LRRC37A2: variants seen among roughly 807,000 people sequenced by gnomAD.
The protein encoded by LRRC37A2 is leucine rich repeat containing 37 member A2.
A neutral mutation model predicts 68.8 loss-of-function variants in LRRC37A2; 9 were observed. The observed-to-expected ratio is 0.13, with a 90% CI of 0.08 to 0.23. The LOEUF (loss-of-function observed/expected upper bound fraction) is 0.23. Ranked by LOEUF, LRRC37A2 falls within the 10% of genes least tolerant of loss-of-function variation. LRRC37A2 has a pLI of 1.00. For missense variants in LRRC37A2, 168 were observed against 950.4 expected (o/e 0.18, Z 10.82); for synonymous variants, 63 against 367.6 (o/e 0.17, Z 9.48).
the LRRC37A2 span, among the ~76,000 whole-genome samples, chr17:46,862,174 AAAAAAG>A: frequency 2.6e-5 from 4 of 151,052 alleles, no homozygotes; most frequent in South Asian, 2.1e-4. Context: ...AAAAAAAAAA[AAAAAAG>A]AAAAAGAAAA....
chr17:46,495,894 G>C, the LRRC37A2 span, among the ~76,000 whole-genome samples: 1 of 122,378 alleles, frequency 8.2e-6, no homozygotes, highest in Non-Finnish European at 1.7e-5. Flanking sequence ...TATGGTTAGG[G>C]AACATACTCG....
chr17:46,817,325 C>T, the LRRC37A2 span, among the ~76,000 whole-genome samples: 1 of 152,234 alleles, frequency 6.6e-6, no homozygotes, highest in Non-Finnish European at 1.5e-5. Flanking sequence ...CCCCGGGGGC[C>T]ACAGCCCACT....
At chr17:46,817,975 C>T in the LRRC37A2 span, among the ~76,000 whole-genome samples, 1 of 152,012 alleles carries the variant, frequency 6.6e-6, no homozygotes, top group Non-Finnish European at 1.5e-5. Context: ...TGATGAAATC[C>T]CCCCACCCAC....
the LRRC37A2 span, among the ~76,000 whole-genome samples, chr17:46,777,553 A>G: frequency 1.2e-4 from 18 of 152,380 alleles, no homozygotes; most frequent in Non-Finnish European, 2.1e-4. Flanking sequence ...TGCTGTGCAG[A>G]CGCAGTCTCT....
the LRRC37A2 span, among the ~76,000 whole-genome samples, chr17:46,806,275 G>C: frequency 2.1e-5 from 3 of 143,432 alleles, no homozygotes; most frequent in Non-Finnish European, 4.5e-5. Context: ...GCAATGGCCA[G>C]GTCTCAGCTC....
the LRRC37A2 span, among the ~76,000 whole-genome samples, chr17:46,969,714 AAG>A: frequency 6.6e-6 from 1 of 152,174 alleles, no homozygotes; most frequent in Non-Finnish European, 1.5e-5. Flanking sequence ...AAAACAATGA[AAG>A]AGGCTTGGCA....
chr17:47,012,314 G>A, the LRRC37A2 span, among the ~76,000 whole-genome samples: 2,637 of 151,836 alleles, frequency 0.017, 39 homozygotes, highest in Non-Finnish European at 0.028. Context: ...GATTACCTTG[G>A]AAACCATTAT....
the LRRC37A2 span, among the ~76,000 whole-genome samples, chr17:46,818,187 C>A: frequency 6.6e-6 from 1 of 151,998 alleles, no homozygotes; most frequent in African/African-American, 2.4e-5. Flanking sequence ...TTCCAGAAAC[C>A]CAACTGCAAG....
chr17:46,714,581 GAA>G, the LRRC37A2 span, among the ~76,000 whole-genome samples: 1 of 152,144 alleles, frequency 6.6e-6, no homozygotes, highest in African/African-American at 2.4e-5. Flanking sequence ...TCCTAGAGCT[GAA>G]AAGACTGTAA....
At chr17:46,817,437 G>C in the LRRC37A2 span, among the ~76,000 whole-genome samples, 1 of 152,102 alleles carries the variant, frequency 6.6e-6, no homozygotes, top group East Asian at 1.9e-4. Context: ...AAGTTTTCCG[G>C]AATGTAGGGG....
chr17:46,960,757 G>A, the LRRC37A2 span, among the ~76,000 whole-genome samples: 2 of 152,190 alleles, frequency 1.3e-5, no homozygotes, highest in African/African-American at 4.8e-5. Flanking sequence ...AGATGGAAAA[G>A]GCAGCTTATT....
At chr17:46,863,063 C>T in the LRRC37A2 span, among the ~76,000 whole-genome samples, 2 of 152,204 alleles carry the variant, frequency 1.3e-5, no homozygotes, top group South Asian at 2.1e-4. Flanking sequence ...GGGATGGCCC[C>T]GAGATCTGGC....
chr17:46,852,169 G>A, the LRRC37A2 span, among the ~76,000 whole-genome samples: 12 of 152,218 alleles, frequency 7.9e-5, no homozygotes, highest in Non-Finnish European at 1.3e-4. Flanking sequence ...TTCGCCCTGC[G>A]GAGCGGAGAC....
the LRRC37A2 span, chr17:46,931,069 A>G: frequency 8.7e-7 from 1 of 1,154,736 alleles, no homozygotes; most frequent in Non-Finnish European, 1.3e-6. Context: ...TCTCTTTTCC[A>G]GCAATTATTC....
At chr17:46,606,072 A>G in the LRRC37A2 span, among the ~76,000 whole-genome samples, 1 of 93,372 alleles carries the variant, frequency 1.1e-5, no homozygotes, top group Non-Finnish European at 1.9e-5. Context: ...CCAGCTACTC[A>G]GGAGGCTGAG....
the LRRC37A2 span, among the ~76,000 whole-genome samples, chr17:46,943,147 C>G: frequency 5.9e-5 from 9 of 152,170 alleles, no homozygotes; most frequent in Admixed American, 5.9e-4. Flanking sequence ...CCAAGGCTAG[C>G]CCGTCCCCCA....
chr17:46,767,393 C>A, the LRRC37A2 span, among the ~76,000 whole-genome samples: 4 of 152,220 alleles, frequency 2.6e-5, no homozygotes, highest in Non-Finnish European at 4.4e-5. Flanking sequence ...CGCTTCCCCC[C>A]ACCCACCTCC....
At chr17:46,525,747 T>C (rs1350744928) in intron 6 of LRRC37A2, among the ~76,000 whole-genome samples, 1 of 94,728 alleles carries the variant, frequency 1.1e-5, no homozygotes, top group African/African-American at 4.3e-5. Context: ...CAGAGTGTCA[T>C]GTCCATTTGT....
the LRRC37A2 span, chr17:46,833,304 T>C: frequency 2.0e-6 from 1 of 503,094 alleles, no homozygotes; most frequent in Non-Finnish European, 4.0e-6. Context: ...AACGTCCCAC[T>C]GAAAGCAAGC....
Sources: allele counts gnomAD v4.1 joint callset (sites outside exome capture counted in the v4.1 genomes callset), GRCh38; gene constraint gnomAD v4.1.1; transcripts MANE v1.5; gene names NCBI Gene and HGNC (gene_info 2026-07-23, HGNC 2026-07-21).